Variants in PABPC4L observed in about 807,000 individuals in gnomAD.
PABPC4L encodes the protein poly(A) binding protein cytoplasmic 4 like, also known as polyadenylate-binding protein 4-like.
For synonymous variants in PABPC4L, 169 were observed against 164.1 expected, an observed-to-expected ratio of 1.03 and a Z score of -0.23; for missense variants, 452 against 451.4, an observed-to-expected ratio of 1.00 and a Z score of -0.01.
chr4:134,139,004 C>G, the PABPC4L span, among the ~76,000 whole-genome samples: 2 of 151,830 alleles, frequency 1.3e-5, no homozygotes, highest in South Asian at 2.1e-4. Flanking sequence ...ATATGTCAAG[C>G]CTATTTCATT....
the PABPC4L span, among the ~76,000 whole-genome samples, chr4:133,977,776 A>C: frequency 6.6e-6 from 1 of 152,178 alleles, no homozygotes; most frequent in African/African-American, 2.4e-5. Flanking sequence ...CAACCCAATA[A>C]ATTGTAATCT....
At chr4:133,998,737 G>GTT in the PABPC4L span, among the ~76,000 whole-genome samples, 3 of 147,398 alleles carry the variant, frequency 2.0e-5, no homozygotes, top group African/African-American at 7.5e-5. Flanking sequence ...GATAATTATG[G>GTT]TTTTTTTTTT....
Position 134,200,750 on chromosome 4 carries a change from G to C in PABPC4L, c.270C>G (p.Ala90=). Reference sequence around the variant, plus strand: ...TCCCAATTCCAGATCTCCTCAAGTAGGCATCGCGCTGAGACCACATGAGAC... The same window carrying C: ...TCCCAATTCCAGATCTCCTCAAGTACGCATCGCGCTGAGACCACATGAGAC... ...SIRLMWSQRD[A]YLRRSGIGNV... is the part of the protein sequence containing the mutation. Residue 90 remains alanine (A), a synonymous_variant, in exon 2 of 2, where the codon GCC becomes GCG. Coordinates refer to ENST00000421491, the MANE Select transcript of PABPC4L (RefSeq NM_001114734.2). The C allele has an allele frequency of 1.3e-6, 2 of 1,551,732 alleles. No individual in the cohort carries two copies. Among genetic ancestry groups the C allele is most frequent in the Non-Finnish European group, 1.7e-6 (2 of 1,146,990 alleles).
the PABPC4L span, among the ~76,000 whole-genome samples, chr4:134,110,692 C>A: frequency 4.0e-5 from 6 of 151,110 alleles, no homozygotes; most frequent in African/African-American, 1.5e-4. Context: ...TATAAAATTG[C>A]ATAATATTTG....
At chr4:134,163,574 T>G in the PABPC4L span, among the ~76,000 whole-genome samples, 1 of 152,228 alleles carries the variant, frequency 6.6e-6, no homozygotes, top group Admixed American at 6.5e-5. Flanking sequence ...CCAATATCCC[T>G]GATGAACATA....
chr4:134,069,041 G>A, the PABPC4L span, among the ~76,000 whole-genome samples: 2 of 152,152 alleles, frequency 1.3e-5, no homozygotes, highest in Admixed American at 6.5e-5. Flanking sequence ...AGTTCCCTTA[G>A]CATTTGCTTA....
At chr4:134,024,260 A>C in the PABPC4L span, among the ~76,000 whole-genome samples, 1 of 152,148 alleles carries the variant, frequency 6.6e-6, no homozygotes, top group Non-Finnish European at 1.5e-5. Context: ...AGCCCTCTCC[A>C]AAACTCTCCT....
the PABPC4L span, among the ~76,000 whole-genome samples, chr4:134,008,354 T>C: frequency 3.3e-5 from 5 of 151,852 alleles, no homozygotes; most frequent in African/African-American, 1.2e-4. Context: ...ATTATAGATG[T>C]CTTGCCACAA....
At chr4:134,146,142 G>T in the PABPC4L span, among the ~76,000 whole-genome samples, 1 of 151,754 alleles carries the variant, frequency 6.6e-6, no homozygotes, top group African/African-American at 2.4e-5. Context: ...ACAAAATTCT[G>T]ATACTTTTTG....
the PABPC4L span, among the ~76,000 whole-genome samples, chr4:134,170,939 G>A: frequency 6.6e-6 from 1 of 152,116 alleles, no homozygotes. Flanking sequence ...GAAATAATTT[G>A]CATTTCCCCC....
chr4:134,045,472 G>T, the PABPC4L span, among the ~76,000 whole-genome samples: 1 of 152,148 alleles, frequency 6.6e-6, no homozygotes, highest in African/African-American at 2.4e-5. Flanking sequence ...AAAAGTATGA[G>T]AACTGAAGTG....
At chr4:134,168,399 G>A in the PABPC4L span, among the ~76,000 whole-genome samples, 1 of 151,590 alleles carries the variant, frequency 6.6e-6, no homozygotes, top group Non-Finnish European at 1.5e-5. Flanking sequence ...CAAATTAGTA[G>A]AAGAGAAATA....
chr4:134,014,422 A>T, the PABPC4L span, among the ~76,000 whole-genome samples: 47 of 152,264 alleles, frequency 3.1e-4, no homozygotes, highest in Non-Finnish European at 5.7e-4. Context: ...TTCCTCCAGA[A>T]CTGCCTCCCC....
chr4:133,958,160 T>C, the PABPC4L span, among the ~76,000 whole-genome samples: 3 of 152,202 alleles, frequency 2.0e-5, no homozygotes, highest in Non-Finnish European at 4.4e-5. Context: ...AATGCTCTGC[T>C]TCCCTTCTAA....
the PABPC4L span, among the ~76,000 whole-genome samples, chr4:134,038,694 T>C: frequency 6.6e-6 from 1 of 152,136 alleles, no homozygotes; most frequent in Non-Finnish European, 1.5e-5. Flanking sequence ...TTATTGCATC[T>C]ATTTGATTCT....
the PABPC4L span, among the ~76,000 whole-genome samples, chr4:134,063,447 G>A: frequency 2.0e-5 from 3 of 151,904 alleles, no homozygotes; most frequent in Non-Finnish European, 2.9e-5. Flanking sequence ...GTATGCTGAG[G>A]GGCAATGGGC....
At chr4:134,076,069 CT>C in the PABPC4L span, among the ~76,000 whole-genome samples, 10 of 150,188 alleles carry the variant, frequency 6.7e-5, no homozygotes, top group Admixed American at 2.7e-4. Flanking sequence ...CACACACTAC[CT>C]TTTTTTTTGA....
chr4:134,141,820 A>T, the PABPC4L span, among the ~76,000 whole-genome samples: 4 of 151,714 alleles, frequency 2.6e-5, no homozygotes, highest in African/African-American at 9.7e-5. Flanking sequence ...AAGGATGGAA[A>T]ATGCAGGCAC....
At chr4:134,136,215 TC>T in the PABPC4L span, among the ~76,000 whole-genome samples, 1 of 152,062 alleles carries the variant, frequency 6.6e-6, no homozygotes, top group Non-Finnish European at 1.5e-5. Flanking sequence ...CAATCTCCCA[TC>T]CCACCCAGAA....
Sources: allele counts gnomAD v4.1 joint callset (sites outside exome capture counted in the v4.1 genomes callset), GRCh38; gene constraint gnomAD v4.1.1; transcripts MANE v1.5; gene names NCBI Gene and HGNC (gene_info 2026-07-23, HGNC 2026-07-21).